The following GPR161 variants were observed in gnomAD, a reference collection of about 807,000 sequenced individuals.
The protein encoded by GPR161 is G protein-coupled receptor 161, also known as G-protein coupled receptor RE2.
In GPR161, 25 loss-of-function variants were observed where a neutral mutation model predicts 39.2. The observed-to-expected ratio is 0.64, with a 90% CI of 0.47 to 0.89. The LOEUF (loss-of-function observed/expected upper bound fraction) is 0.89. Among genes scored for constraint, GPR161 ranks in the 40% least tolerant of loss-of-function variants. GPR161 has a pLI of 0.00. For missense variants in GPR161, 547 were observed against 677.8 expected, an observed-to-expected ratio of 0.81 and a Z score of 2.14; for synonymous variants, 286 against 276.6, an observed-to-expected ratio of 1.03 and a Z score of -0.34.
chr1:168,110,592 G>A (rs1341625541), intron 1 of GPR161, among the ~76,000 whole-genome samples: 1 of 71,848 alleles, frequency 1.4e-5, no homozygotes, highest in Non-Finnish European at 2.6e-5. Flanking sequence ...GAAAAGAAAA[G>A]AAAAGAGACA....
At chr1:168,088,867 T>C (rs1324363979) in intron 4 of GPR161, 1 of 152,130 alleles carries the variant, frequency 6.6e-6, no homozygotes, top group Non-Finnish European at 1.5e-5. Flanking sequence ...TGCTTCAGCT[T>C]TCGACATCGC....
rs1294698215 is a variant in GPR161 at position 168,136,483 on chromosome 1, C to T, written c.-45+256G>A. 4.8e-6 allele frequency: 6 copies of T among 1,263,142 alleles called. No homozygotes were observed. In the East Asian group the frequency reaches 1.6e-4, roughly 33 times the overall value. 78.2% of individuals were successfully genotyped at this position (1,263,142 alleles called of 1,614,324 possible). The stretch of plus-strand genomic sequence containing the variant: ...GAATGGGGTGGGCCTCTCAGAAGCC[C>T]CAGGCCGCAGGGGAGGGGCGCGCCC... On this transcript the variant is annotated intron_variant, in intron 1 of 5. Coordinates refer to ENST00000682931, the MANE Select transcript of GPR161 (RefSeq NM_001375883.1).
At position 168,098,999 on chromosome 1, in the gene GPR161, C is replaced by T. The variant is rs1695826498; in HGVS notation, c.375-1767G>A. 1.3e-5 allele frequency among the ~76,000 whole-genome samples: 2 copies of T among 152,324 alleles called. No individual in the cohort carries two copies. The highest frequency in any genetic ancestry group is 4.1e-4 in the South Asian group (2 of 4,824). On this transcript the variant is annotated intron_variant, in intron 2 of 5. Coordinates refer to ENST00000682931, the MANE Select transcript of GPR161 (RefSeq NM_001375883.1). This position sits in a 1 kb window ranked among gnomAD's most constrained non-coding sequence, Gnocchi z 4.1. ...TGGAAAATGGGAATTCTGGCACCCA[C>T]ATCACAGGTCTGCTCCTAGGAACGA... is the stretch of plus-strand genomic sequence containing the variant.
At chr1:168,103,496 G>A (rs989630545) in intron 2 of GPR161, among the ~76,000 whole-genome samples, 3 of 151,632 alleles carry the variant, frequency 2.0e-5, no homozygotes, top group Non-Finnish European at 4.4e-5. Context: ...TGCCTCCCCA[G>A]TGCAGCCACA....
rs879780342 is a variant in GPR161, at chr1:168,098,888, T to A, written c.375-1656A>T. Among the ~76,000 whole-genome samples the A allele has an allele frequency of 6.6e-6, 1 of 152,186 alleles. No homozygotes were observed. The highest frequency in any genetic ancestry group is 2.4e-5 in the African/African-American group (1 of 41,448). On this transcript the variant is annotated intron_variant, in intron 2 of 5. Coordinates refer to ENST00000682931, the MANE Select transcript of GPR161 (RefSeq NM_001375883.1). The surrounding 1 kb of genome is among the most constrained non-coding windows in gnomAD (Gnocchi z 4.1). ...AAAGCATGCCTTTGGAGCTGGAAAT[T>A]CAAGTTCAGATGGAGGCTCTGATGT...
In GPR161 at chr1:168,119,272, A is replaced by G. The variant is rs533786593; in HGVS notation, c.-44-14378T>C. On this transcript the variant is annotated intron_variant, in intron 1 of 5. Coordinates refer to ENST00000682931, the MANE Select transcript of GPR161 (RefSeq NM_001375883.1). ...TATATATATACGTATATATATGTGT[A>G]TATATATATATATATACACATATAT... Among the ~76,000 whole-genome samples the G allele has an allele frequency of 3.3e-3, 409 of 124,884 alleles. 26 individuals carry two copies. The highest frequency in any genetic ancestry group is 0.015 in the East Asian group (67 of 4,470). 81.9% of individuals were successfully genotyped at this position (124,884 alleles called of 152,430 possible).
chr1:168,113,023 C>G lies in GPR161; in HGVS notation c.-44-8129G>C, dbSNP rs1257888252. Among the ~76,000 whole-genome samples the G allele has an allele frequency of 2.0e-5, 3 of 152,138 alleles. No individual in the cohort carries two copies. In the East Asian group the frequency reaches 5.8e-4, roughly 29 times the overall value. Reference sequence around the variant, plus strand: ...GTCTCTGCCAGGAGGTCTGGAGTAGCGAAGGCACAAGCCCCAGCAAATCCC... The same window carrying G: ...GTCTCTGCCAGGAGGTCTGGAGTAGGGAAGGCACAAGCCCCAGCAAATCCC... On this transcript the variant is annotated intron_variant, in intron 1 of 5. Coordinates refer to ENST00000682931, the MANE Select transcript of GPR161 (RefSeq NM_001375883.1).
At position 168,085,614 on chromosome 1, in the gene GPR161, G is replaced by A. The variant is rs145492270; in HGVS notation, c.1507C>T (p.Arg503Ter). 6.2e-6 allele frequency: 10 copies of A among 1,613,844 alleles called. No individual in the cohort carries two copies. In the African/African-American group the frequency reaches 9.3e-5, roughly 15 times the overall value. ...TVPGGGFGGRRGSRTLVSQRL... is the reference protein window; with the variant it reads ...TVPGGGFGGR The stretch of plus-strand genomic sequence containing the variant: ...TGGCTCACAAGAGTTCTGCTGCCTC[G>A]GCGGCCCCCGAAGCCGCCCCCCGGG... Residue 503 changes from arginine to a stop codon, truncating the protein, a stop_gained, in exon 6 of 6, where the codon CGA (arginine) becomes TGA (stop). Transcript: ENST00000682931. LOFTEE classifies it high-confidence loss of function.
intron 2 of GPR161, among the ~76,000 whole-genome samples, chr1:168,103,487 G>A (rs1324211780): frequency 2.0e-5 from 3 of 151,482 alleles, no homozygotes; most frequent in African/African-American, 4.9e-5. Context: ...CATTGGTTCT[G>A]CCTCCCCAGT....
At position 168,085,424 on chromosome 1, in the gene GPR161, G is replaced by T; in HGVS notation, c.*107C>A. ...AGATGCTGCTCCTTCCCTGTGTGTGGCCAGCTGTACACAGTGACATGCTCC... is the reference window on the plus strand; with the variant it reads ...AGATGCTGCTCCTTCCCTGTGTGTGTCCAGCTGTACACAGTGACATGCTCC... On this transcript the variant is annotated 3_prime_UTR_variant, in exon 6 of 6. Coordinates refer to ENST00000682931, the MANE Select transcript of GPR161 (RefSeq NM_001375883.1). 9.7e-7 allele frequency: 1 copy of T among 1,035,454 alleles called. No individual in the cohort carries two copies. The highest frequency in any genetic ancestry group is 1.4e-6 in the Non-Finnish European group (1 of 697,838). The allele number at this position is 1,035,454 out of a possible 1,614,324, so 64.1% of individuals were successfully genotyped here.
intron 1 of GPR161, among the ~76,000 whole-genome samples, chr1:168,130,470 G>GA (rs1290027512): frequency 3.3e-5 from 5 of 152,172 alleles, no homozygotes; most frequent in African/African-American, 1.2e-4. Flanking sequence ...AAACCAGTGA[G>GA]AAAATGGGTC....
At chr1:168,106,022 TG>T (rs1215283124) in intron 1 of GPR161, among the ~76,000 whole-genome samples, 2 of 152,072 alleles carry the variant, frequency 1.3e-5, no homozygotes, top group East Asian at 3.9e-4. Flanking sequence ...AGGGAGTGCA[TG>T]GGTTAATAGG....
chr1:168,087,467 G>T, intron 5 of GPR161, 118 bp downstream of exon 5: 1 of 1,209,362 alleles, frequency 8.3e-7, no homozygotes, highest in Non-Finnish European at 1.2e-6. Flanking sequence ...CAGGGAGTGA[G>T]CAAAGGGATG....
At chr1:168,085,819 A>C in intron 5 of GPR161, 23 bp from the exon 6 acceptor site, 1 of 1,597,962 alleles carries the variant, frequency 6.3e-7, no homozygotes, top group Non-Finnish European at 8.6e-7. Flanking sequence ...GCAGAAAAAA[A>C]AGTCAGCTGA....
chr1:168,101,449 C>T (rs1696093939), intron 2 of GPR161, among the ~76,000 whole-genome samples: 2 of 152,120 alleles, frequency 1.3e-5, no homozygotes, highest in African/African-American at 2.4e-5. Flanking sequence ...TTATCTGGCT[C>T]GAAATGTCAA....
chr1:168,091,398 C>G (rs919207138), intron 3 of GPR161, among the ~76,000 whole-genome samples: 2 of 152,172 alleles, frequency 1.3e-5, no homozygotes, highest in African/African-American at 4.8e-5. Context: ...ACCCTGGCCC[C>G]TTGTCCCACT....
intron 1 of GPR161, among the ~76,000 whole-genome samples, chr1:168,112,014 G>C (rs1485638813): frequency 6.7e-6 from 1 of 150,354 alleles, no homozygotes; most frequent in African/African-American, 2.4e-5. Context: ...CTAAGGAAAG[G>C]AACCTTTGCC....
At chr1:168,086,565 G>C (rs1694516136) in intron 5 of GPR161, among the ~76,000 whole-genome samples, 1 of 152,158 alleles carries the variant, frequency 6.6e-6, no homozygotes, top group Non-Finnish European at 1.5e-5. Flanking sequence ...GGCAGGGGAG[G>C]ACCCCCTGGC....
intron 2 of GPR161, among the ~76,000 whole-genome samples, chr1:168,099,141 G>A (rs920063759): frequency 6.6e-5 from 10 of 152,182 alleles, no homozygotes; most frequent in East Asian, 1.9e-4. Flanking sequence ...CTGCTTCTGC[G>A]ATGACCCCCA....
Sources: gnomAD v4.1 joint callset for allele counts (sites outside exome capture counted in the v4.1 genomes callset) on GRCh38, gnomAD v4.1.1 for gene constraint, Gnocchi (gnomAD v3.1) non-coding constraint, MANE v1.5 for transcripts, NCBI Gene and HGNC (gene_info 2026-07-23, HGNC 2026-07-21) for gene names.